The following ADAMTS20 variants were observed in gnomAD, a reference collection of about 807,000 sequenced individuals.
ADAMTS20 encodes ADAM metallopeptidase with thrombospondin type 1 motif 20, also known as A disintegrin and metalloproteinase with thrombospondin motifs 20.
Under a neutral mutation model 260.1 loss-of-function variants are expected in ADAMTS20, and 225 were observed. The ratio of observed to expected loss-of-function variants is 0.87; its 90% confidence interval spans 0.78 to 0.97. The LOEUF is 0.97. Among genes scored for constraint, ADAMTS20 ranks in the 50% least tolerant of loss-of-function variants. The pLI is 0.00. For synonymous variants in ADAMTS20, 802 were observed against 769.5 expected, an observed-to-expected ratio of 1.04 and a Z score of -0.70; for missense variants, 2,400 against 2,337.7, an observed-to-expected ratio of 1.03 and a Z score of -0.55.
At chr12:43,399,374 T>C in intron 28 of ADAMTS20, 141 bp from the exon 29 acceptor site, 1 of 754,992 alleles carries the variant, frequency 1.3e-6, no homozygotes, top group South Asian at 3.3e-5. Flanking sequence ...TTCTAATTAG[T>C]GAAAAGTTAA....
rs1446081177 is a variant in ADAMTS20, at chr12:43,452,502, T to G, written c.1942+12A>C. The G allele has an allele frequency of 7.5e-6, 12 of 1,609,242 alleles. No individual in the cohort carries two copies. The highest frequency in any genetic ancestry group is 1.0e-5 in the Non-Finnish European group (12 of 1,176,932). ...AAAAATTTACATCAAAGAACCAGCATAATTTACTTACTGCCACTGTATCTT... is the reference window on the plus strand; with the variant it reads ...AAAAATTTACATCAAAGAACCAGCAGAATTTACTTACTGCCACTGTATCTT... On this transcript the variant is annotated intron_variant, in intron 13 of 38. Transcript: ENST00000389420.
chr12:43,522,715 T>A (rs1943088944), intron 3 of ADAMTS20, among the ~76,000 whole-genome samples: 1 of 152,194 alleles, frequency 6.6e-6, no homozygotes. Context: ...TTGATGGTGG[T>A]GTTTGTGGGG....
intron 31 of ADAMTS20, among the ~76,000 whole-genome samples, chr12:43,380,482 A>T (rs1346257273): frequency 6.6e-6 from 1 of 151,886 alleles, no homozygotes; most frequent in African/African-American, 2.4e-5. Context: ...CTTTAAAGAA[A>T]GAAGTAAAAC....
intron 7 of ADAMTS20, among the ~76,000 whole-genome samples, chr12:43,483,089 C>T (rs985317305): frequency 1.3e-5 from 2 of 152,118 alleles, no homozygotes; most frequent in Non-Finnish European, 1.5e-5. Context: ...TCAGAGTCTA[C>T]GTCACTCCTC....
At chr12:43,451,153 TG>T (rs1262477959) in intron 14 of ADAMTS20, among the ~76,000 whole-genome samples, 1 of 152,146 alleles carries the variant, frequency 6.6e-6, no homozygotes, top group African/African-American at 2.4e-5. Flanking sequence ...TGGAGGACAC[TG>T]GGTTAAATGA....
chr12:43,418,222 T>C (rs1941167218), intron 28 of ADAMTS20, among the ~76,000 whole-genome samples: 1 of 152,186 alleles, frequency 6.6e-6, no homozygotes, highest in East Asian at 1.9e-4. Context: ...TTAGCAGTAG[T>C]TGAGAAAGCA....
In ADAMTS20 at chr12:43,356,518, C is replaced by G; in HGVS notation, c.5609G>C (p.Gly1870Ala). 1.2e-6 allele frequency: 2 copies of G among 1,610,700 alleles called. No individual in the cohort carries two copies. Among genetic ancestry groups the G allele is most frequent in the Non-Finnish European group, 1.7e-6 (2 of 1,178,412 alleles). ...ISSTAKWLTQ[G>A]SYTSVSIRRS... ...TCGTATGCTGACAGAGGTATAACTC[C>G]CCTGAGTGAGCCACTTTGCTGTGCT... The change falls in exon 38 of 39, where the codon GGG becomes GCG. Residue 1870 changes from glycine (G) to alanine (A), a missense_variant. Coordinates refer to ENST00000389420, the MANE Select transcript of ADAMTS20 (RefSeq NM_025003.5).
In ADAMTS20 at chr12:43,462,825, G is replaced by A. The variant is rs1942086847; in HGVS notation, c.1614+70C>T. 4.0e-6 allele frequency: 5 copies of A among 1,262,408 alleles called. No homozygotes were observed. The Admixed American group carries it at 1.1e-4, about 29-fold the overall frequency. The allele number at this position is 1,262,408 out of a possible 1,614,324, so 78.2% of individuals were successfully genotyped here. A position where few individuals can be genotyped will look rare whatever the true frequency, so the allele number is the denominator to read the frequency against. ...GTTGACAGCAAATAACAAACAGAGT[G>A]CTAAAATGCAGAGCAATCACATCCT... On this transcript the variant is annotated intron_variant, in intron 11 of 38. Coordinates refer to ENST00000389420, the MANE Select transcript of ADAMTS20 (RefSeq NM_025003.5).
chr12:43,438,844 G>T (rs1159673082), intron 18 of ADAMTS20, among the ~76,000 whole-genome samples: 1 of 151,938 alleles, frequency 6.6e-6, no homozygotes, highest in Non-Finnish European at 1.5e-5. Context: ...CTCAAAAACT[G>T]CTCCCTCCAC....
At chr12:43,517,053 A>C (rs1943008579) in intron 3 of ADAMTS20, among the ~76,000 whole-genome samples, 4 of 152,224 alleles carry the variant, frequency 2.6e-5, no homozygotes, top group Non-Finnish European at 5.9e-5. Flanking sequence ...CTAGAAATTT[A>C]GGAGAATTTC....
chr12:43,503,389 T>C (rs1942795722), intron 3 of ADAMTS20, among the ~76,000 whole-genome samples: 1 of 152,104 alleles, frequency 6.6e-6, no homozygotes, highest in Non-Finnish European at 1.5e-5. Context: ...GGCTGTATTA[T>C]AAGAATTAGA....
rs913815255 is a variant in ADAMTS20, at chr12:43,383,625, G to A, written c.4730C>T (p.Ser1577Phe). 2.5e-6 allele frequency: 4 copies of A among 1,613,812 alleles called. No homozygotes were observed. Among genetic ancestry groups the A allele is most frequent in the Non-Finnish European group, 3.4e-6 (4 of 1,179,824 alleles). Residue 1577 changes from serine to phenylalanine, a missense_variant, in exon 31 of 39, where the codon TCT (serine) becomes TTT (phenylalanine). By Grantham distance (155) the Ser-to-Phe change is radical. Transcript: ENST00000389420. Reference protein sequence around the residue: ...NEIVYNSSTISLTSKNCRNPP... With the variant: ...NEIVYNSSTIFLTSKNCRNPP... ...GTTCCTGCAATTCTTGGATGTAAGA[G>A]ATATGGTTGAAGAATTATAGACTAT...
chr12:43,391,785 C>T (rs1940602212), intron 29 of ADAMTS20, among the ~76,000 whole-genome samples: 1 of 152,000 alleles, frequency 6.6e-6, no homozygotes, highest in Non-Finnish European at 1.5e-5. Flanking sequence ...TACAGTTTTA[C>T]CCTGAAAGAA....
At chr12:43,492,651 A>G (rs1253038142) in intron 5 of ADAMTS20, 22 bp from the exon 6 acceptor site, 1 of 1,611,726 alleles carries the variant, frequency 6.2e-7, no homozygotes, top group Non-Finnish European at 8.5e-7. Context: ...AAGCAATGCA[A>G]TACTATGTCA....
In ADAMTS20 at chr12:43,429,660, A is replaced by T; in HGVS notation, c.3446T>A (p.Leu1149His). The T allele has an allele frequency of 6.2e-7, 1 of 1,601,014 alleles. No individual in the cohort carries two copies. Among genetic ancestry groups the T allele is most frequent in the Admixed American group, 1.7e-5 (1 of 58,472 alleles). ...TCGCCATTGTGCCATCTTTTTTATG[A>T]GAACAGTTGGTAATAAAGCGGTCTC... is the stretch of plus-strand genomic sequence containing the variant. ...KLETALLPTV[L>H]IKKMAQWRHG... The change falls in exon 24 of 39, where the codon CTC becomes CAC. Residue 1149 changes from leucine (L) to histidine (H), a missense_variant. Physicochemically the swap from Leu to His is moderately conservative, Grantham distance 99 (BLOSUM62 -3). Transcript: ENST00000389420.
chr12:43,542,636 A>C lies in ADAMTS20; in HGVS notation c.453+8273T>G, dbSNP rs1431631540. Among the ~76,000 whole-genome samples, 3 of 152,234 alleles carry C rather than the reference A, an allele frequency of 2.0e-5. No homozygotes were observed. The East Asian group carries it at 5.8e-4, about 29-fold the overall frequency. On this transcript the variant is annotated intron_variant, in intron 2 of 38. Transcript: ENST00000389420. The stretch of plus-strand genomic sequence containing the variant: ...TGGTTTACCAGTAAAGTGAGAATTC[A>C]AAATTTAGTTTTTCCCTATAATAAG...
intron 28 of ADAMTS20, among the ~76,000 whole-genome samples, chr12:43,419,829 A>T (rs184374850): frequency 2.2e-4 from 33 of 152,214 alleles, no homozygotes; most frequent in African/African-American, 7.7e-4. Context: ...TACATTTCAA[A>T]TCTGCAGGGC....
chr12:43,435,641 TA>T (rs35112845), intron 18 of ADAMTS20, among the ~76,000 whole-genome samples: 25 of 84,640 alleles, frequency 3.0e-4, no homozygotes, highest in Non-Finnish European at 4.2e-4. Flanking sequence ...ACTCCATTTC[TA>T]AAAAAAAAAA....
chr12:43,383,434 T>A, intron 31 of ADAMTS20, 124 bp downstream of exon 31: 1 of 912,228 alleles, frequency 1.1e-6, no homozygotes, highest in Non-Finnish European at 1.6e-6. Context: ...ATTCCTTAGA[T>A]TGATATGCAT....
Sources: allele counts gnomAD v4.1 joint callset (sites outside exome capture counted in the v4.1 genomes callset), GRCh38; gene constraint gnomAD v4.1.1; transcripts MANE v1.5; gene names NCBI Gene and HGNC (gene_info 2026-07-23, HGNC 2026-07-21).